FILIP1: variants seen among roughly 807,000 people sequenced by gnomAD.
FILIP1 encodes filamin-A-interacting protein 1.
FILIP1 carries 61 observed loss-of-function variants against 102.1 expected under a neutral mutation model. The observed-to-expected ratio is 0.60, with a 90% CI of 0.49 to 0.74. FILIP1 has a LOEUF of 0.74. Ranked by LOEUF, FILIP1 falls within the 30% of genes least tolerant of loss-of-function variation. The pLI, the probability that FILIP1 is intolerant of heterozygous loss-of-function variation, is 0.00. For missense variants in FILIP1, 1,314 were observed against 1,441.2 expected, an observed-to-expected ratio of 0.91 and a Z score of 1.43; for synonymous variants, 491 against 526.9, an observed-to-expected ratio of 0.93 and a Z score of 0.93.
intron 3 of FILIP1, among the ~76,000 whole-genome samples, chr6:75,361,332 T>A (rs1254090922): frequency 3.3e-5 from 5 of 152,318 alleles, no homozygotes; most frequent in Admixed American, 2.0e-4. Context: ...TAAGCGTGTA[T>A]GCTCTGCAGA....
chr6:75,354,373 C>T (rs1038945879), intron 3 of FILIP1, among the ~76,000 whole-genome samples: 5 of 151,994 alleles, frequency 3.3e-5, no homozygotes, highest in African/African-American at 1.2e-4. Flanking sequence ...GAGTTCAAGA[C>T]CAGCCTGACC....
chr6:75,334,928 G>C (rs562958001), intron 4 of FILIP1: 1 of 152,194 alleles, frequency 6.6e-6, no homozygotes, highest in African/African-American at 2.4e-5. Flanking sequence ...AGGGAAGGCA[G>C]CTCTTAAGAA....
intron 1 of FILIP1, among the ~76,000 whole-genome samples, chr6:75,467,954 G>A (rs1779217616): frequency 6.6e-6 from 1 of 152,178 alleles, no homozygotes; most frequent in South Asian, 2.1e-4. Context: ...GCCACATTTG[G>A]AGTCAAAGAG....
intron 5 of FILIP1, among the ~76,000 whole-genome samples, chr6:75,309,901 C>T (rs1468621067): frequency 1.3e-5 from 2 of 152,198 alleles, no homozygotes; most frequent in Admixed American, 6.5e-5. Flanking sequence ...CATCCCTGTC[C>T]CTCCAAGTTA....
At chr6:75,486,944 G>A (rs188969458) in intron 1 of FILIP1, among the ~76,000 whole-genome samples, 1 of 152,180 alleles carries the variant, frequency 6.6e-6, no homozygotes, top group East Asian at 1.9e-4. Flanking sequence ...AGTTGGGGAT[G>A]TCTTATCAAA....
chr6:75,375,574 G>A lies in FILIP1; in HGVS notation c.277-12657C>T, dbSNP rs562306447. Among the ~76,000 whole-genome samples the A allele has an allele frequency of 4.6e-5, 7 of 152,330 alleles. No individual in the cohort carries two copies. In the South Asian group the frequency reaches 6.2e-4, roughly 14 times the overall value. On this transcript the variant is annotated intron_variant, in intron 2 of 5. Transcript: ENST00000237172. ...AAGGAGCTTGGCATTCTCACCAAGC[G>A]GGAGGGTGCAGGGGCAAGAGAGGGA...
chr6:75,330,062 G>A (rs1466888063), intron 4 of FILIP1, among the ~76,000 whole-genome samples: 1 of 152,118 alleles, frequency 6.6e-6, no homozygotes, highest in African/African-American at 2.4e-5. Context: ...TGAGGGTTGG[G>A]TTGTACAACT....
intron 4 of FILIP1, chr6:75,319,584 A>G: frequency 2.1e-6 from 1 of 486,146 alleles, no homozygotes; most frequent in Non-Finnish European, 3.9e-6. Flanking sequence ...TAATCCCAGC[A>G]CTTTGGGAGG....
rs575597783 is a variant in FILIP1 at position 75,357,541 on chromosome 6, T to A, written c.451-3824A>T. Reference sequence around the variant, plus strand: ...CTTGACCACAACAGTAATTACATTATCTGGAAAGCAGTGTTTTCATCTCTT... The same window carrying A: ...CTTGACCACAACAGTAATTACATTAACTGGAAAGCAGTGTTTTCATCTCTT... On this transcript the variant is annotated intron_variant, in intron 3 of 5. Transcript: ENST00000237172. Among the ~76,000 whole-genome samples the A allele has an allele frequency of 3.5e-4, 54 of 152,364 alleles. No homozygotes were observed. In the South Asian group the frequency reaches 0.01, roughly 29 times the overall value.
At chr6:75,482,606 C>T (rs1257235687) in intron 1 of FILIP1, among the ~76,000 whole-genome samples, 2 of 152,298 alleles carry the variant, frequency 1.3e-5, no homozygotes, top group Non-Finnish European at 1.5e-5. Context: ...CTACTAAGTC[C>T]AGCTCCCACT....
intron 3 of FILIP1, among the ~76,000 whole-genome samples, chr6:75,353,940 TA>T (rs1774900062): frequency 6.6e-6 from 1 of 152,204 alleles, no homozygotes; most frequent in Non-Finnish European, 1.5e-5. Flanking sequence ...GGCTTTTTTG[TA>T]AACATATATA....
exon 7 of FILIP1, chr6:75,295,832 T>TA: frequency 1.1e-6 from 1 of 921,800 alleles, no homozygotes; most frequent in Non-Finnish European, 1.5e-6. Context: ...TGGAGGACCT[T>TA]AGTCATGATT....
intron 2 of FILIP1, among the ~76,000 whole-genome samples, chr6:75,387,874 C>T (rs1393564238): frequency 6.6e-6 from 1 of 152,158 alleles, no homozygotes; most frequent in Non-Finnish European, 1.5e-5. Context: ...TGTGCAGAAG[C>T]TCTTTAGTTT....
chr6:75,316,674 T>C (rs889460144), intron 4 of FILIP1, among the ~76,000 whole-genome samples: 6 of 152,310 alleles, frequency 3.9e-5, no homozygotes, highest in Middle Eastern at 3.4e-3. Context: ...AGCATGATTG[T>C]GTCTCAGCAT....
At chr6:75,353,979 G>A (rs964546094) in intron 3 of FILIP1, among the ~76,000 whole-genome samples, 1 of 151,706 alleles carries the variant, frequency 6.6e-6, no homozygotes, top group East Asian at 1.9e-4. Context: ...TCCTTTTTTG[G>A]GGGGGTGGGA....
At chr6:75,296,624 C>G (rs1282689692) in intron 6 of FILIP1, 4 of 150,794 alleles carry the variant, frequency 2.7e-5, no homozygotes, top group Non-Finnish European at 4.4e-5. Flanking sequence ...CTCAGCCTCC[C>G]CAGTAGCTGG....
chr6:75,365,033 C>T (rs1029736473), intron 2 of FILIP1, among the ~76,000 whole-genome samples: 19 of 151,930 alleles, frequency 1.3e-4, no homozygotes, highest in Non-Finnish European at 1.0e-4. Flanking sequence ...GAAAAAATGG[C>T]GATGATAGAA....
intron 1 of FILIP1, among the ~76,000 whole-genome samples, chr6:75,452,775 G>T (rs1778679174): frequency 6.6e-6 from 1 of 152,150 alleles, no homozygotes; most frequent in Non-Finnish European, 1.5e-5. Flanking sequence ...GTTATTTTGG[G>T]TGGTGAAATT....
intron 2 of FILIP1, among the ~76,000 whole-genome samples, chr6:75,405,768 G>C (rs1776824131): frequency 6.6e-6 from 1 of 152,154 alleles, no homozygotes; most frequent in South Asian, 2.1e-4. Flanking sequence ...AGGACTGACA[G>C]GGGTGAGTGG....
Sources: allele counts gnomAD v4.1 joint callset (sites outside exome capture counted in the v4.1 genomes callset), GRCh38; gene constraint gnomAD v4.1.1; transcripts MANE v1.5; gene names NCBI Gene and HGNC (gene_info 2026-07-23, HGNC 2026-07-21).